Variants in CDC25C observed in about 807,000 individuals in gnomAD.
The protein encoded by CDC25C is M-phase inducer phosphatase 3.
Under a neutral mutation model 52.5 loss-of-function variants are expected in CDC25C, and 48 were observed. The ratio of observed to expected loss-of-function variants is 0.91; its 90% CI spans 0.72 to 1.16. CDC25C has a LOEUF of 1.16. Among genes scored for constraint, CDC25C ranks in the 50% most tolerant of loss-of-function variants. The pLI is 0.00. For missense variants in CDC25C, 510 were observed against 566.1 expected, an observed-to-expected ratio of 0.90 and a Z score of 1.01; for synonymous variants, 187 against 206.5, an observed-to-expected ratio of 0.91 and a Z score of 0.81.
chr5:138,286,649 AG>A lies in CDC25C; in HGVS notation c.1027-20del, dbSNP rs1312102155. On this transcript the variant is annotated intron_variant, in intron 11 of 13. Transcript: ENST00000323760. ...AGGCTCCCTGTAGAAGAAGAATTTT[AG>A]TAAGTATTTCCTCAGGGGCTTATAG... The A allele has an allele frequency of 1.0e-5, 16 of 1,603,748 alleles. No individual in the cohort carries two copies. The highest frequency in any genetic ancestry group is 1.1e-5 in the Non-Finnish European group (13 of 1,174,396).
chr5:138,307,450 G>A (rs1269949343), intron 7 of CDC25C, among the ~76,000 whole-genome samples: 4 of 122,556 alleles, frequency 3.3e-5, no homozygotes, highest in African/African-American at 9.6e-5. Context: ...CCCTGATCAC[G>A]CCACTACACT....
At chr5:138,333,591 G>C (rs1265234597), upstream of CDC25C, 1 of 152,220 alleles carries the variant, frequency 6.6e-6, no homozygotes, top group Non-Finnish European at 1.5e-5. Flanking sequence ...CTGCTTTGAC[G>C]ACTACAGTAT....
intron 1 of CDC25C, chr5:138,337,906 G>T: frequency 8.1e-7 from 1 of 1,236,414 alleles, no homozygotes; most frequent in Non-Finnish European, 1.1e-6. Flanking sequence ...GTGGGAGGCT[G>T]CAGTTGGGCC....
chr5:138,326,933 CA>C (rs1379638758), intron 4 of CDC25C, among the ~76,000 whole-genome samples: 31 of 82,798 alleles, frequency 3.7e-4, no homozygotes, highest in African/African-American at 1.5e-3. Flanking sequence ...GCCTAGGCAA[CA>C]AGAGCAAAAC....
rs1051958364 is a variant in CDC25C, at chr5:138,329,540, C to T, written c.289+13G>A. On this transcript the variant is annotated intron_variant, in intron 3 of 13. Transcript: ENST00000323760. The stretch of plus-strand genomic sequence containing the variant: ...ATTCTTCCCTTTGAGGCCTTTATCT[C>T]CCTTCTCCCTACCAGTTTCATCAAG... 4 of 1,533,548 alleles carry T rather than the reference C, an allele frequency of 2.6e-6. No individual in the cohort carries two copies. The highest frequency in any genetic ancestry group is 2.7e-5 in the African/African-American group (2 of 73,070). 95.0% of individuals were successfully genotyped at this position (1,533,548 alleles called of 1,614,324 possible).
upstream of CDC25C, chr5:138,335,258 G>C (rs1376846225): frequency 2.6e-5 from 4 of 152,310 alleles, no homozygotes; most frequent in Admixed American, 2.6e-4. Context: ...TTCTATTCCT[G>C]GTTCTTTTTA....
chr5:138,323,957 C>CAA (rs774091050), intron 6 of CDC25C, among the ~76,000 whole-genome samples: 19 of 105,536 alleles, frequency 1.8e-4, no homozygotes, highest in African/African-American at 5.3e-4. Flanking sequence ...GATTCCATCT[C>CAA]AAAAAAAAAA....
intron 6 of CDC25C, among the ~76,000 whole-genome samples, chr5:138,323,925 T>C (rs1183799341): frequency 6.9e-6 from 1 of 143,976 alleles, no homozygotes; most frequent in African/African-American, 2.7e-5. Context: ...CCCACTGCAC[T>C]CCAGCCTGGA....
Position 138,331,625 on chromosome 5 carries a change from AGAG to A in CDC25C, c.-72_-70del, listed in dbSNP as rs1760392095. On this transcript the variant is annotated 5_prime_UTR_variant, in exon 1 of 14. Transcript: ENST00000323760. ...GCCTGGAGTCTGAGGCTTGCCTACAAGAGGAGAGAAAGTAGATAGGGATCGGAC... is the reference window on the plus strand; with the variant it reads ...GCCTGGAGTCTGAGGCTTGCCTACAAGAGAGAAAGTAGATAGGGATCGGAC... 9.9e-7 allele frequency: 1 copy of A among 1,008,732 alleles called. No homozygotes were observed. Among genetic ancestry groups the A allele is most frequent in the Admixed American group, 5.2e-5 (1 of 19,200 alleles). The allele number at this position is 1,008,732 out of a possible 1,614,324, so 62.5% of individuals were successfully genotyped here.
upstream of CDC25C, among the ~76,000 whole-genome samples, chr5:138,332,420 G>T (rs1308830138): frequency 6.6e-6 from 1 of 152,140 alleles, no homozygotes; most frequent in East Asian, 1.9e-4. Context: ...TTAGTGTGCA[G>T]CATCTCAGAG....
intron 1 of CDC25C, chr5:138,337,641 G>C (rs1458472005): frequency 3.2e-6 from 1 of 311,968 alleles, no homozygotes; most frequent in East Asian, 1.1e-4. Context: ...ACAGAACCAA[G>C]TGGAAACGTC....
chr5:138,317,680 T>G (rs1202633575), intron 7 of CDC25C, among the ~76,000 whole-genome samples: 2 of 40,604 alleles, frequency 4.9e-5, no homozygotes, highest in African/African-American at 9.6e-5. Context: ...ACCCTGTCTA[T>G]CTAAAAAAAA....
intron 7 of CDC25C, among the ~76,000 whole-genome samples, chr5:138,317,551 T>C (rs2126784677): frequency 6.6e-6 from 1 of 151,850 alleles, no homozygotes; most frequent in South Asian, 2.1e-4. Flanking sequence ...TATGATGGCA[T>C]GTGCCTATAG....
chr5:138,336,772 C>G (rs1760732621), upstream of CDC25C: 1 of 152,146 alleles, frequency 6.6e-6, no homozygotes. Context: ...GCCCCTAACT[C>G]TGCTCCTTTT....
chr5:138,322,946 T>A (rs1367359591), intron 6 of CDC25C, among the ~76,000 whole-genome samples: 1 of 151,322 alleles, frequency 6.6e-6, no homozygotes, highest in Middle Eastern at 3.2e-3. Flanking sequence ...TATTTTTATT[T>A]TTTTTTCCTT....
At chr5:138,287,081 G>C (rs1464248386) in intron 11 of CDC25C, 88 bp downstream of exon 11, 5 of 841,188 alleles carry the variant, frequency 5.9e-6, no homozygotes, top group Non-Finnish European at 9.8e-6. Flanking sequence ...CCTGACTCTA[G>C]AGTTCATAGA....
chr5:138,328,506 G>C lies in CDC25C; in HGVS notation c.313C>G (p.Gln105Glu). ...ETGHLDSSGL[Q>E]EVHLAGMNHD... Reference sequence around the variant, plus strand: ...TACATCCCAGCTAAATGCACTTCCTGAAGTCCTGAAGAATCCAGGTGACCT... The same window carrying C: ...TACATCCCAGCTAAATGCACTTCCTCAAGTCCTGAAGAATCCAGGTGACCT... The change falls in exon 4 of 14, where the codon CAG (glutamine) becomes GAG (glutamate). Residue 105 changes from glutamine to glutamate, a missense_variant. By Grantham distance (29) the Gln-to-Glu change is conservative. Coordinates refer to ENST00000323760, the MANE Select transcript of CDC25C (RefSeq NM_001790.5). 1 of 1,613,904 alleles carries C rather than the reference G, an allele frequency of 6.2e-7. No individual in the cohort carries two copies. The highest frequency in any genetic ancestry group is 8.5e-7 in the Non-Finnish European group (1 of 1,179,818).
chr5:138,323,038 C>A (rs974922889), intron 6 of CDC25C, among the ~76,000 whole-genome samples: 2 of 151,840 alleles, frequency 1.3e-5, no homozygotes, highest in African/African-American at 4.8e-5. Flanking sequence ...TCATTGCAAC[C>A]TCTGCCTCCC....
At chr5:138,287,534 G>A (rs1756354555) in intron 10 of CDC25C, among the ~76,000 whole-genome samples, 1 of 152,216 alleles carries the variant, frequency 6.6e-6, no homozygotes, top group African/African-American at 2.4e-5. Flanking sequence ...CTGGGGATAG[G>A]CATGGCTGGA....
Sources: allele counts gnomAD v4.1 joint callset (sites outside exome capture counted in the v4.1 genomes callset), GRCh38; gene constraint gnomAD v4.1.1; transcripts MANE v1.5; gene names NCBI Gene and HGNC (gene_info 2026-07-23, HGNC 2026-07-21).